The following PKD1L3 variants were observed in gnomAD, a reference collection of about 807,000 sequenced individuals.
The protein encoded by PKD1L3 is polycystin-1-like protein 3.
Under a neutral mutation model 184.1 loss-of-function variants are expected in PKD1L3, and 239 were observed. The ratio of observed to expected loss-of-function variants is 1.30; its 90% confidence interval spans 1.17 to 1.45. The LOEUF is 1.45. Ranked by LOEUF, PKD1L3 falls within the 40% of genes most tolerant of loss-of-function variation. The pLI is 0.00. For missense variants in PKD1L3, 2,660 were observed against 2,067.2 expected (o/e 1.29, Z -5.56); for synonymous variants, 996 against 778.8 (o/e 1.28, Z -4.64).
chr16:71,965,021 A>AT (rs1037919678), intron 15 of PKD1L3, among the ~76,000 whole-genome samples: 1 of 151,014 alleles, frequency 6.6e-6, no homozygotes, highest in Admixed American at 6.6e-5. Context: ...TAATTTTTGT[A>AT]TTTTTTTGTA....
chr16:71,978,408 T>G lies in PKD1L3; in HGVS notation c.1399-25A>C. 2.0e-6 allele frequency: 3 copies of G among 1,538,204 alleles called. No individual in the cohort carries two copies. In the South Asian group the frequency reaches 3.6e-5, roughly 18 times the overall value. On this transcript the variant is annotated intron_variant, in intron 9 of 29. Transcript: ENST00000620267. ...TCTAAAGACAAAGAGAAGCCCAGTT[T>G]TATCCATTGCTGAAATATTTTTAAG...
At position 71,951,744 on chromosome 16, in the gene PKD1L3, C is replaced by T; in HGVS notation, c.3010G>A (p.Glu1004Lys). The T allele has an allele frequency of 3.9e-6, 6 of 1,548,792 alleles. No homozygotes were observed. Among genetic ancestry groups the T allele is most frequent in the Non-Finnish European group, 5.2e-6 (6 of 1,145,882 alleles). The change falls in exon 19 of 30, where the codon GAA becomes AAA. Residue 1004 changes from glutamate (E) to lysine (K), a missense_variant and splice_region_variant. Coordinates refer to ENST00000620267, the MANE Select transcript of PKD1L3 (RefSeq NM_181536.2). The stretch of plus-strand genomic sequence containing the variant: ...AGGAATCTCACAGTTTCCTTTAATT[C>T]CTGAATGTAGGACCAGATGAGAAAA... ...EPLSATMVVE[E>K]LKETVRFLLR... is the part of the protein sequence containing the mutation.
intron 22 of PKD1L3, among the ~76,000 whole-genome samples, chr16:71,945,432 G>A (rs994116993): frequency 6.9e-6 from 1 of 144,630 alleles, no homozygotes; most frequent in Non-Finnish European, 1.5e-5. Flanking sequence ...ATTTATATAT[G>A]TATTGGGAGG....
chr16:71,929,656 GTATC>G lies in PKD1L3; in HGVS notation c.5077_5080del (p.Asp1693HisfsTer10). 6.5e-7 allele frequency: 1 copy of G among 1,550,180 alleles called. No individual in the cohort carries two copies. The highest frequency in any genetic ancestry group is 8.7e-7 in the Non-Finnish European group (1 of 1,146,392). ...CAAATTTGAGAGCTTCTGTAGCAGT[GTATC>G]TATTAGTGCAGCTTCTTTCTGAGTA... On this transcript the variant is annotated frameshift_variant, in exon 30 of 30. Transcript: ENST00000620267. LOFTEE classifies it low-confidence loss of function (END_TRUNC).
intron 16 of PKD1L3, among the ~76,000 whole-genome samples, chr16:71,956,598 T>C (rs2039059237): frequency 6.6e-6 from 1 of 152,172 alleles, no homozygotes; most frequent in African/African-American, 2.4e-5. Flanking sequence ...TGTATGGTTC[T>C]GCTTACATGA....
chr16:71,950,575 A>G lies in PKD1L3; in HGVS notation c.3191-265T>C, dbSNP rs78049154. ...ACCAGAATGGCAGTACATGTGACCT[A>G]TACTAGTAAGTGCCCAGGAGACTCA... On this transcript the variant is annotated intron_variant, in intron 19 of 29. Coordinates refer to ENST00000620267, the MANE Select transcript of PKD1L3 (RefSeq NM_181536.2). Among the ~76,000 whole-genome samples, 953 of 152,260 alleles carry G rather than the reference A, an allele frequency of 6.3e-3. 8 individuals carry two copies. The highest frequency in any genetic ancestry group is 0.021 in the African/African-American group (881 of 41,548).
At chr16:71,999,317 A>G (rs530020402) in intron 1 of PKD1L3, among the ~76,000 whole-genome samples, 1 of 152,160 alleles carries the variant, frequency 6.6e-6, no homozygotes, top group African/African-American at 2.4e-5. Context: ...GAAAGACAAT[A>G]GGTAGATACT....
At chr16:71,983,916 G>C in intron 6 of PKD1L3, 120 bp downstream of exon 6, 1 of 1,334,492 alleles carries the variant, frequency 7.5e-7, no homozygotes, top group Admixed American at 2.5e-5. Context: ...GCCCGCCTCG[G>C]CCTTCTAAAG....
chr16:71,951,530 G>A (rs780646056), intron 19 of PKD1L3, 34 bp downstream of exon 19: 133 of 1,525,296 alleles, frequency 8.7e-5, no homozygotes, highest in Non-Finnish European at 1.1e-4. Context: ...GGAGGCAGAT[G>A]GAAGATTCGT....
chr16:71,944,707 T>TG lies in PKD1L3; in HGVS notation c.3719-538_3719-537insC, dbSNP rs1352266796. Among the ~76,000 whole-genome samples, 209 of 79,606 alleles carry TG rather than the reference T, an allele frequency of 2.6e-3. 7 individuals are homozygous for TG. The highest frequency in any genetic ancestry group is 6.9e-3 in the African/African-American group (189 of 27,536). The allele number at this position is 79,606 out of a possible 152,430, so 52.2% of individuals were successfully genotyped here. ...AAGACCATATCTGTTTTTTGTTTGT[T>TG]TTTTTTTTTTGAGACGGAGTCTCAC... is the stretch of plus-strand genomic sequence containing the variant. On this transcript the variant is annotated intron_variant, in intron 22 of 29. Transcript: ENST00000620267.
At position 71,940,509 on chromosome 16, in the gene PKD1L3, TA is replaced by T. The variant is rs1372130846; in HGVS notation, c.4324+2050del. On this transcript the variant is annotated intron_variant, in intron 24 of 29. Coordinates refer to ENST00000620267, the MANE Select transcript of PKD1L3 (RefSeq NM_181536.2). ...AGAGCTTTGTTTTTTATTTTTTTTT[TA>T]TTTTTTTGAGATGGAGTCTCACTCT... Among the ~76,000 whole-genome samples, 542 of 152,164 alleles carry T rather than the reference TA, an allele frequency of 3.6e-3. 1 individual carries two copies. The highest frequency in any genetic ancestry group is 0.014 in the Middle Eastern group (4 of 294).
chr16:71,948,210 G>A (rs1400973523), intron 21 of PKD1L3, among the ~76,000 whole-genome samples: 1 of 152,130 alleles, frequency 6.6e-6, no homozygotes. Context: ...AGCCTCCTGA[G>A]TAGCTGGGAT....
intron 6 of PKD1L3, among the ~76,000 whole-genome samples, chr16:71,983,465 A>G (rs2040236648): frequency 6.6e-6 from 1 of 152,126 alleles, no homozygotes; most frequent in Admixed American, 6.6e-5. Context: ...ACAGACTTCT[A>G]ACAAATGCAT....
chr16:71,981,649 T>C (rs892148803), intron 7 of PKD1L3, among the ~76,000 whole-genome samples: 2 of 150,882 alleles, frequency 1.3e-5, no homozygotes, highest in African/African-American at 2.4e-5. Flanking sequence ...CAAGCGATTC[T>C]CCTGCCTCAG....
At chr16:71,995,169 C>G (rs945894408) in intron 2 of PKD1L3, among the ~76,000 whole-genome samples, 1 of 152,106 alleles carries the variant, frequency 6.6e-6, no homozygotes, top group Non-Finnish European at 1.5e-5. Flanking sequence ...AAGGCTGCAA[C>G]CTCGTAAGGT....
At position 71,981,149 on chromosome 16, in the gene PKD1L3, A is replaced by G. The variant is rs8050650; in HGVS notation, c.1143+910T>C. ...GATCATAGATGTGTGGGTTATCTCCACTTTTTGGCTATTTAGCTATTAAAC... is the reference window on the plus strand; with the variant it reads ...GATCATAGATGTGTGGGTTATCTCCGCTTTTTGGCTATTTAGCTATTAAAC... On this transcript the variant is annotated intron_variant, in intron 7 of 29. Coordinates refer to ENST00000620267, the MANE Select transcript of PKD1L3 (RefSeq NM_181536.2). 8.1e-3 allele frequency among the ~76,000 whole-genome samples: 1,235 copies of G among 152,218 alleles called. 17 individuals are homozygous for G. Among genetic ancestry groups the G allele is most frequent in the African/African-American group, 0.028 (1,167 of 41,512 alleles).
chr16:71,982,192 AG>A lies in PKD1L3; in HGVS notation c.1009del (p.Leu337SerfsTer46). On this transcript the variant is annotated frameshift_variant, in exon 7 of 30. Transcript: ENST00000620267. LOFTEE classifies it high-confidence loss of function. The part of the protein sequence containing the change: ...NSLIYLSEEL[L>X]RIPFQNNNSL... ...GTTGTTGTTCTGAAATGGGATCCTG[AG>A]TAACTCCTCACTCAGGTAAATAAGG... 1 of 1,545,536 alleles carries A rather than the reference AG, an allele frequency of 6.5e-7. No individual in the cohort carries two copies. Among genetic ancestry groups the A allele is most frequent in the Middle Eastern group, 1.7e-4 (1 of 5,974 alleles).
At chr16:71,968,289 G>C (rs1330695150) in intron 13 of PKD1L3, among the ~76,000 whole-genome samples, 1 of 152,106 alleles carries the variant, frequency 6.6e-6, no homozygotes, top group Non-Finnish European at 1.5e-5. Context: ...TTCCCACTTA[G>C]GTACAGTCAC....
chr16:71,970,932 G>T (rs1555521450), intron 12 of PKD1L3, among the ~76,000 whole-genome samples: 1 of 152,144 alleles, frequency 6.6e-6, no homozygotes, highest in African/African-American at 2.4e-5. Flanking sequence ...AATGCCATTT[G>T]CCCAAAGCCT....
Sources: allele counts gnomAD v4.1 joint callset (sites outside exome capture counted in the v4.1 genomes callset), GRCh38; gene constraint gnomAD v4.1.1; transcripts MANE v1.5; gene names NCBI Gene and HGNC (gene_info 2026-07-23, HGNC 2026-07-21).